POLQ: variants seen among roughly 807,000 people sequenced by gnomAD.
POLQ encodes epididymis secretory sperm binding protein.
Under a neutral mutation model 259.2 loss-of-function variants are expected in POLQ, and 233 were observed. That is an observed-to-expected ratio of 0.90 (90% confidence interval 0.81 to 1.00). POLQ has a LOEUF of 1.00. POLQ is among the 50% of genes least tolerant of loss of function. The pLI, the probability that POLQ is intolerant of heterozygous loss-of-function variation, is 0.00. For missense variants in POLQ, 2,871 were observed against 3,051.6 expected, an observed-to-expected ratio of 0.94 and a Z score of 1.39; for synonymous variants, 1,025 against 1,048.8, an observed-to-expected ratio of 0.98 and a Z score of 0.44.
chr3:121,471,530 T>G (rs1284140885), intron 22 of POLQ, among the ~76,000 whole-genome samples: 1 of 151,854 alleles, frequency 6.6e-6, no homozygotes, highest in Non-Finnish European at 1.5e-5. Flanking sequence ...TCACCTGAGG[T>G]CAGGAGTTCG....
At chr3:121,470,612 T>A (rs540231918) in intron 22 of POLQ, among the ~76,000 whole-genome samples, 1 of 152,172 alleles carries the variant, frequency 6.6e-6, no homozygotes, top group Non-Finnish European at 1.5e-5. Context: ...ATTCGTTTAT[T>A]GGTTTATTTA....
At chr3:121,484,534 T>G (rs148639263) in intron 17 of POLQ, among the ~76,000 whole-genome samples, 2 of 152,142 alleles carry the variant, frequency 1.3e-5, no homozygotes, top group African/African-American at 4.8e-5. Flanking sequence ...CAGGGAGAAG[T>G]AAGGAAGTGC....
chr3:121,537,490 T>A (rs2048459154), intron 4 of POLQ, among the ~76,000 whole-genome samples: 1 of 152,190 alleles, frequency 6.6e-6, no homozygotes. Context: ...GTTGTCGCTA[T>A]CTTTATGTCC....
Position 121,473,443 on chromosome 3 carries a change from T to C in POLQ, c.6450A>G (p.Lys2150=). The change falls in exon 21 of 30, where the codon AAA becomes AAG. Residue 2150 remains lysine (K), a synonymous_variant. Transcript: ENST00000264233. ...CCAGAGTTTTCTTGCTGCCTTGGTT[T>C]TTCATCTCTCTATTTGGGGGCAACT... ...ELKLPPNREM[K]NQGSKKTLGS... The C allele has an allele frequency of 6.2e-7, 1 of 1,613,774 alleles. No homozygotes were observed. Among genetic ancestry groups the C allele is most frequent in the Non-Finnish European group, 8.5e-7 (1 of 1,179,736 alleles).
chr3:121,452,082 G>A (rs376089552), intron 25 of POLQ, among the ~76,000 whole-genome samples: 53 of 152,294 alleles, frequency 3.5e-4, no homozygotes, highest in African/African-American at 1.2e-3. Context: ...GGTAGCCTCC[G>A]AGTCATGCAC....
intron 27 of POLQ, 132 bp from the exon 28 acceptor site, chr3:121,436,407 C>A (rs1046487127): frequency 5.4e-6 from 4 of 742,446 alleles, no homozygotes; most frequent in African/African-American, 3.5e-5. Context: ...ACCCAGAACA[C>A]CAACTATTAG....
intron 12 of POLQ, among the ~76,000 whole-genome samples, chr3:121,508,187 G>A (rs1053302817): frequency 2.6e-5 from 4 of 151,964 alleles, no homozygotes; most frequent in South Asian, 2.1e-4. Context: ...CATACAACTC[G>A]AATGGTGAGA....
At chr3:121,450,745 G>A (rs1274418200) in intron 25 of POLQ, among the ~76,000 whole-genome samples, 4 of 151,996 alleles carry the variant, frequency 2.6e-5, no homozygotes, top group Admixed American at 2.6e-4. Flanking sequence ...TTCAACTTTG[G>A]TGAATCTGAC....
At chr3:121,462,091 GA>G (rs2047796976) in intron 24 of POLQ, among the ~76,000 whole-genome samples, 1 of 152,052 alleles carries the variant, frequency 6.6e-6, no homozygotes, top group Non-Finnish European at 1.5e-5. Context: ...TGGATTTTTG[GA>G]TTAGAAATGT....
rs896402211 is a variant in POLQ, at chr3:121,456,278, A to G, written c.7152+3772T>C. ...ATGACAAACCCACAGCCAATATCAC[A>G]CTGAACGGGCAAAAACTGGAAGCAT... is the stretch of plus-strand genomic sequence containing the variant. On this transcript the variant is annotated intron_variant, in intron 25 of 29. Coordinates refer to ENST00000264233, the MANE Select transcript of POLQ (RefSeq NM_199420.4). 3.3e-5 allele frequency among the ~76,000 whole-genome samples: 5 copies of G among 152,238 alleles called. No homozygotes were observed. In the East Asian group the frequency reaches 9.7e-4, roughly 29 times the overall value.
Position 121,460,207 on chromosome 3 carries a change from G to A in POLQ, c.6995C>T (p.Ser2332Phe). Residue 2332 changes from serine (S) to phenylalanine (F), a missense_variant, in exon 25 of 30, where the codon TCT becomes TTT. Ser to Phe is a radical substitution (Grantham distance 155, BLOSUM62 -2). Transcript: ENST00000264233. The stretch of plus-strand genomic sequence containing the variant: ...AGCCAAGATCCTCAGTTCAAGCTGA[G>A]AGTAGTCAGCAGCCAGTATTGAACC... ...PGGSILAADY[S>F]QLELRILAHL... 1 of 1,613,616 alleles carries A rather than the reference G, an allele frequency of 6.2e-7. No homozygotes were observed. The highest frequency in any genetic ancestry group is 8.5e-7 in the Non-Finnish European group (1 of 1,179,496).
chr3:121,485,348 G>A (rs1174819740), intron 16 of POLQ, among the ~76,000 whole-genome samples, 164 bp from the exon 17 acceptor site: 1 of 152,116 alleles, frequency 6.6e-6, no homozygotes, highest in East Asian at 1.9e-4. Context: ...GATCTTTCCA[G>A]GCTTCCCATC....
intron 17 of POLQ, among the ~76,000 whole-genome samples, 197 bp downstream of exon 17, chr3:121,484,844 T>C (rs1240969088): frequency 6.6e-6 from 1 of 152,172 alleles, no homozygotes; most frequent in Non-Finnish European, 1.5e-5. Context: ...AAGGTTGTAG[T>C]GAGCCAAGAT....
intron 14 of POLQ, 97 bp from the exon 15 acceptor site, chr3:121,493,818 T>A: frequency 8.5e-7 from 1 of 1,172,764 alleles, no homozygotes. Flanking sequence ...GTTTTTTCCC[T>A]GCAAAATTGT....
At chr3:121,471,694 G>A (rs1336858469) in intron 22 of POLQ, among the ~76,000 whole-genome samples, 1 of 152,110 alleles carries the variant, frequency 6.6e-6, no homozygotes, top group African/African-American at 2.4e-5. Context: ...GGGAGGTGGA[G>A]GTTGCAGGGA....
chr3:121,433,096 A>G, intron 28 of POLQ, 63 bp from the exon 29 acceptor site: 1 of 843,630 alleles, frequency 1.2e-6, no homozygotes, highest in Non-Finnish European at 2.1e-6. Context: ...GAATGTTTTT[A>G]GAGATTCTGA....
At chr3:121,536,980 T>A in intron 5 of POLQ, 120 bp downstream of exon 5, 1 of 643,132 alleles carries the variant, frequency 1.6e-6, no homozygotes. Context: ...TATACATAAG[T>A]TTTCTCAATA....
intron 27 of POLQ, among the ~76,000 whole-genome samples, chr3:121,437,578 T>C (rs768876709): frequency 1.3e-5 from 2 of 152,208 alleles, no homozygotes; most frequent in Non-Finnish European, 2.9e-5. Flanking sequence ...CAGTGAGGAC[T>C]CACATACTCT....
At position 121,476,753 on chromosome 3, in the gene POLQ, T is replaced by A; in HGVS notation, c.6212-20A>T. Reference sequence around the variant, plus strand: ...AAACATCTGGAAGAAAAAAGAAAATTAAAACGTTAATTCATTGGCTAAGTG... The same window carrying A: ...AAACATCTGGAAGAAAAAAGAAAATAAAAACGTTAATTCATTGGCTAAGTG... On this transcript the variant is annotated intron_variant, in intron 19 of 29. Transcript: ENST00000264233. 6.4e-7 allele frequency: 1 copy of A among 1,555,322 alleles called. No homozygotes were observed. Among genetic ancestry groups the A allele is most frequent in the Non-Finnish European group, 8.8e-7 (1 of 1,137,160 alleles).
Sources: allele counts gnomAD v4.1 joint callset (sites outside exome capture counted in the v4.1 genomes callset), GRCh38; gene constraint gnomAD v4.1.1; transcripts MANE v1.5; gene names NCBI Gene and HGNC (gene_info 2026-07-23, HGNC 2026-07-21).